The following TMEM161B variants were observed in gnomAD, a reference collection of about 807,000 sequenced individuals.
The protein encoded by TMEM161B is transmembrane protein 161B.
In TMEM161B, 34 loss-of-function variants were observed where a neutral mutation model predicts 61.8. The ratio of observed to expected loss-of-function variants is 0.55; its 90% CI spans 0.42 to 0.73. The LOEUF is 0.73. Among genes scored for constraint, TMEM161B ranks in the 30% least tolerant of loss-of-function variants. TMEM161B has a pLI of 0.00. For missense variants in TMEM161B, 456 were observed against 558.5 expected (o/e 0.82, Z 1.85); for synonymous variants, 167 against 192.8 (o/e 0.87, Z 1.11).
At chr5:88,206,554 C>T (rs554923710) in intron 6 of TMEM161B, 55 bp from the exon 7 acceptor site, 17 of 1,406,224 alleles carry the variant, frequency 1.2e-5, no homozygotes, top group Middle Eastern at 2.1e-4. Flanking sequence ...ATGTGAAATA[C>T]AGAATCTTTC....
chr5:88,229,029 A>C (rs1750538799), intron 2 of TMEM161B, among the ~76,000 whole-genome samples: 2 of 152,178 alleles, frequency 1.3e-5, no homozygotes, highest in African/African-American at 2.4e-5. Flanking sequence ...ATTACAGAAA[A>C]TCATTGTATT....
At position 88,195,541 on chromosome 5, in the gene TMEM161B, T is replaced by C; in HGVS notation, c.*670A>G. 1.0e-6 allele frequency: 1 copy of C among 985,378 alleles called. No homozygotes were observed. Among genetic ancestry groups the C allele is most frequent in the Non-Finnish European group, 1.2e-6 (1 of 829,706 alleles). The allele number at this position is 985,378 out of a possible 1,614,324, so 61.0% of individuals were successfully genotyped here. Reference sequence around the variant, plus strand: ...CTAATGGCAAGATTACAAATGTTCATATGGCCAATCATTTTAAAAGAACTC... The same window carrying C: ...CTAATGGCAAGATTACAAATGTTCACATGGCCAATCATTTTAAAAGAACTC... On this transcript the variant is annotated 3_prime_UTR_variant, in exon 12 of 12. Transcript: ENST00000296595.
In TMEM161B at chr5:88,207,062, T is replaced by C; in HGVS notation, c.565A>G (p.Thr189Ala). The stretch of plus-strand genomic sequence containing the variant: ...AGTCCAAATTCCAGATAATTTTCTG[T>C]TACAATCAACACTGCCATTGCTTTG... Reference protein sequence around the residue: ...FVKAMAVLIVTENYLEFGLET... With the variant: ...FVKAMAVLIVAENYLEFGLET... The change falls in exon 6 of 12, where the codon ACA (threonine) becomes GCA (alanine). Residue 189 changes from threonine (T) to alanine (A), a missense_variant. This residue lies in a region of TMEM161B where 367 missense variants were observed against 427.3 expected (regional missense o/e 0.86). Coordinates refer to ENST00000296595, the MANE Select transcript of TMEM161B (RefSeq NM_153354.5). 1.9e-6 allele frequency: 3 copies of C among 1,612,358 alleles called. No individual in the cohort carries two copies. Among genetic ancestry groups the C allele is most frequent in the Non-Finnish European group, 2.5e-6 (3 of 1,179,468 alleles).
chr5:88,243,847 G>A (rs1463768411), intron 1 of TMEM161B, among the ~76,000 whole-genome samples: 1 of 151,908 alleles, frequency 6.6e-6, no homozygotes, highest in Non-Finnish European at 1.5e-5. Context: ...AATGATTAGT[G>A]ATGTTTAGCA....
At chr5:88,199,305 A>G (rs1297423947) in intron 9 of TMEM161B, 155 bp from the exon 10 acceptor site, 2 of 600,964 alleles carry the variant, frequency 3.3e-6, no homozygotes, top group South Asian at 3.3e-5. Context: ...ACTTAACTGT[A>G]TAATACTTTA....
At chr5:88,196,547 T>TA (rs200280413) in intron 11 of TMEM161B, 59 bp from the exon 12 acceptor site, 321 of 1,474,634 alleles carry the variant, frequency 2.2e-4, no homozygotes, top group East Asian at 4.7e-4. Context: ...AGCTTTTTAT[T>TA]AAAAAAAAAT....
In TMEM161B at chr5:88,221,951, G is replaced by C. The variant is rs1749072949; in HGVS notation, c.290-1232C>G. On this transcript the variant is annotated intron_variant, in intron 4 of 11. Transcript: ENST00000296595. ...CATACAGTAAGACCTATTAAAAGTA[G>C]TATCAAAACAAACTAACCAAATTTT... 3.9e-5 allele frequency among the ~76,000 whole-genome samples: 6 copies of C among 152,132 alleles called. No homozygotes were observed. In the South Asian group the frequency reaches 1.2e-3, roughly 31 times the overall value.
At chr5:88,189,287 T>TA (rs1561283181), downstream of TMEM161B, among the ~76,000 whole-genome samples, 1 of 151,902 alleles carries the variant, frequency 6.6e-6, no homozygotes, top group Non-Finnish European at 1.5e-5. Flanking sequence ...GTCCAAAATT[T>TA]AAAAAAATGA....
At chr5:88,248,198 T>G (rs998193832) in intron 1 of TMEM161B, among the ~76,000 whole-genome samples, 1 of 152,022 alleles carries the variant, frequency 6.6e-6, no homozygotes, top group Non-Finnish European at 1.5e-5. Flanking sequence ...AATAGTGAAT[T>G]TAACTGCAAG....
At chr5:88,204,743 G>A (rs1745114342) in intron 8 of TMEM161B, among the ~76,000 whole-genome samples, 1 of 151,160 alleles carries the variant, frequency 6.6e-6, no homozygotes, top group Non-Finnish European at 1.5e-5. Context: ...AAAGCACACT[G>A]AGTAAAAGGA....
intron 1 of TMEM161B, among the ~76,000 whole-genome samples, chr5:88,245,434 T>C (rs760290908): frequency 7.9e-5 from 12 of 151,858 alleles, no homozygotes; most frequent in Admixed American, 3.3e-4. Flanking sequence ...CTACCTGAGA[T>C]TACAGACTTA....
chr5:88,210,859 C>T (rs1193116263), intron 5 of TMEM161B, among the ~76,000 whole-genome samples: 3 of 152,040 alleles, frequency 2.0e-5, no homozygotes, highest in African/African-American at 7.2e-5. Context: ...TTTTAGAGGC[C>T]ATCTCTTAAA....
intron 10 of TMEM161B, chr5:88,198,749 C>A (rs1001509627): frequency 3.8e-5 from 17 of 443,762 alleles, no homozygotes; most frequent in Admixed American, 3.6e-4. Context: ...TTTGTACCAC[C>A]CACTGTATGA....
At chr5:88,191,346 C>T (rs1044794080), downstream of TMEM161B, among the ~76,000 whole-genome samples, 4 of 152,324 alleles carry the variant, frequency 2.6e-5, no homozygotes, top group African/African-American at 9.6e-5. Context: ...CTATATTAGA[C>T]TCTTCATCTT....
intron 10 of TMEM161B, chr5:88,198,690 T>C (rs1750133595): frequency 1.2e-5 from 3 of 256,834 alleles, no homozygotes; most frequent in Non-Finnish European, 2.2e-5. Flanking sequence ...ATAATGTCTT[T>C]CAAATCAATT....
At chr5:88,239,367 C>T (rs1309963012) in intron 2 of TMEM161B, among the ~76,000 whole-genome samples, 1 of 151,888 alleles carries the variant, frequency 6.6e-6, no homozygotes, top group Non-Finnish European at 1.5e-5. Context: ...AAGTAAGCTG[C>T]CTTAATGTAT....
intron 4 of TMEM161B, chr5:88,221,353 G>T: frequency 5.6e-6 from 1 of 179,044 alleles, no homozygotes; most frequent in Non-Finnish European, 1.2e-5. Flanking sequence ...ACAAAAATTA[G>T]CCGGGCATTG....
At chr5:88,207,986 A>C (rs570044637) in intron 5 of TMEM161B, among the ~76,000 whole-genome samples, 1 of 152,316 alleles carries the variant, frequency 6.6e-6, no homozygotes, top group East Asian at 1.9e-4. Flanking sequence ...TTTAATTCTC[A>C]CACTAACCAC....
chr5:88,206,393 T>G (rs1162994670), intron 7 of TMEM161B, 46 bp downstream of exon 7: 3 of 1,455,578 alleles, frequency 2.1e-6, no homozygotes, highest in Non-Finnish European at 2.8e-6. Context: ...TTATTAAAAA[T>G]AGAAAAGGTT....
Sources: allele counts gnomAD v4.1 joint callset (sites outside exome capture counted in the v4.1 genomes callset), GRCh38; gene constraint gnomAD v4.1.1; regional missense constraint gnomAD v4.1.1; transcripts MANE v1.5; gene names NCBI Gene and HGNC (gene_info 2026-07-23, HGNC 2026-07-21).